The following PTPRZ1 variants were observed in gnomAD, a reference collection of about 807,000 sequenced individuals.
The protein encoded by PTPRZ1 is receptor-type tyrosine-protein phosphatase zeta.
Under a neutral mutation model 214.1 loss-of-function variants are expected in PTPRZ1, and 82 were observed. The observed-to-expected ratio is 0.38, with a 90% CI of 0.32 to 0.46. PTPRZ1 has a LOEUF of 0.46. PTPRZ1 is among the 20% of genes least tolerant of loss of function. PTPRZ1 has a pLI of 1.00. For synonymous variants in PTPRZ1, 945 were observed against 987.9 expected, an observed-to-expected ratio of 0.96 and a Z score of 0.81; for missense variants, 2,603 against 2,748.7, an observed-to-expected ratio of 0.95 and a Z score of 1.19.
chr7:122,051,428 C>A lies in PTPRZ1; in HGVS notation c.6085C>A (p.Leu2029Ile). The A allele has an allele frequency of 6.2e-7, 1 of 1,611,830 alleles. No homozygotes were observed. Among genetic ancestry groups the A allele is most frequent in the Non-Finnish European group, 8.5e-7 (1 of 1,178,914 alleles). Residue 2029 changes from leucine (L) to isoleucine (I), a missense_variant and splice_region_variant, in exon 24 of 30, where the codon CTC (leucine) becomes ATC (isoleucine). Physicochemically the swap from Leu to Ile is conservative, Grantham distance 5. Transcript: ENST00000393386. ...GKTKLEKQFQ[L>I]LSQSNIQQSD... ...TATATTTTTTTACTTTCTTGCCCAGCTCCTGAGCCAGTCAAATATACAGCA... is the reference window on the plus strand; with the variant it reads ...TATATTTTTTTACTTTCTTGCCCAGATCCTGAGCCAGTCAAATATACAGCA...
intron 1 of PTPRZ1, among the ~76,000 whole-genome samples, chr7:121,899,061 T>G (rs192553756): frequency 6.6e-6 from 1 of 152,350 alleles, no homozygotes; most frequent in African/African-American, 2.4e-5. Context: ...ATCACTGCTT[T>G]CTTTTCCATC....
intron 12 of PTPRZ1, among the ~76,000 whole-genome samples, chr7:122,018,531 A>C (rs927970492): frequency 1.3e-5 from 2 of 150,800 alleles, no homozygotes; most frequent in African/African-American, 2.4e-5. Context: ...TTTTTTGTAG[A>C]ATAAAACAAT....
At chr7:121,885,441 A>G (rs740966) in intron 1 of PTPRZ1, among the ~76,000 whole-genome samples, 4,384 of 152,302 alleles carry the variant, frequency 0.029, 91 homozygotes, top group Middle Eastern at 0.044. Flanking sequence ...GTGAAATCAC[A>G]TTTAATTAGC....
intron 12 of PTPRZ1, among the ~76,000 whole-genome samples, chr7:122,014,206 G>A (rs1798777561): frequency 6.6e-6 from 1 of 151,906 alleles, no homozygotes; most frequent in Admixed American, 6.6e-5. Flanking sequence ...TACATTTTTA[G>A]TACACTGCTT....
intron 25 of PTPRZ1, 80 bp downstream of exon 25, chr7:122,052,019 A>G: frequency 8.8e-7 from 1 of 1,142,206 alleles, no homozygotes. Context: ...AGAAGCAAAG[A>G]CTACAGGCAT....
rs764299227 is a variant in PTPRZ1, at chr7:122,012,530, T to C, written c.3484T>C (p.Ser1162Pro). 5 of 1,614,026 alleles carry C rather than the reference T, an allele frequency of 3.1e-6. No homozygotes were observed. The highest frequency in any genetic ancestry group is 1.3e-5 in the African/African-American group (1 of 74,910). The part of the protein sequence containing the change: ...SSDPASSEML[S>P]PSTQLLFYET... ...TGACCCTGCTTCTAGTGAAATGTTA[T>C]CTCCTTCAACTCAGCTCTTATTTTA... Residue 1162 changes from serine (S) to proline (P), a missense_variant, in exon 12 of 30, where the codon TCT becomes CCT. This residue lies in a region of PTPRZ1 where 1,913 missense variants were observed against 1,914.3 expected (regional missense o/e 1.00). Coordinates refer to ENST00000393386, the MANE Select transcript of PTPRZ1 (RefSeq NM_002851.3).
At chr7:121,985,848 A>G (rs1797750594) in intron 8 of PTPRZ1, among the ~76,000 whole-genome samples, 1 of 152,186 alleles carries the variant, frequency 6.6e-6, no homozygotes. Flanking sequence ...GTAATTGTCT[A>G]TTTACTTTTG....
In PTPRZ1 at chr7:122,038,787, C is replaced by T. The variant is rs141124575; in HGVS notation, c.5400C>T (p.Ala1800=). 19 of 1,613,494 alleles carry T rather than the reference C, an allele frequency of 1.2e-5. No homozygotes were observed. Among genetic ancestry groups the T allele is most frequent in the African/African-American group, 2.7e-5 (2 of 74,842 alleles). ...GYNRPKAYIA[A]QGPLKSTAED... ...ACAGACCAAAAGCTTATATTGCTGCCCAAGGCCCACTGAAATCCACAGCTG... is the reference window on the plus strand; with the variant it reads ...ACAGACCAAAAGCTTATATTGCTGCTCAAGGCCCACTGAAATCCACAGCTG... Residue 1800 remains alanine (A), a synonymous_variant, in exon 19 of 30, where the codon GCC becomes GCT. Transcript: ENST00000393386.
At chr7:121,896,255 G>A (rs1794780492) in intron 1 of PTPRZ1, among the ~76,000 whole-genome samples, 1 of 152,080 alleles carries the variant, frequency 6.6e-6, no homozygotes, top group Admixed American at 6.6e-5. Flanking sequence ...TTAATTATAT[G>A]CACGTTGTAC....
intron 1 of PTPRZ1, chr7:121,908,809 T>C (rs767256550): frequency 2.0e-5 from 10 of 489,284 alleles, no homozygotes; most frequent in South Asian, 1.4e-4. Context: ...AAATGTGAGA[T>C]ACTCTTGGAT....
chr7:121,976,294 T>C (rs752283826), intron 5 of PTPRZ1, 26 bp downstream of exon 5: 1 of 1,313,536 alleles, frequency 7.6e-7, no homozygotes. Context: ...TTTACACTAA[T>C]GTAATTCCTT....
chr7:121,914,447 C>T (rs993707469), intron 1 of PTPRZ1, among the ~76,000 whole-genome samples: 5 of 152,198 alleles, frequency 3.3e-5, no homozygotes, highest in Non-Finnish European at 7.4e-5. Flanking sequence ...TGTCCTCAAA[C>T]GTAAACTTCT....
chr7:121,873,324 T>C lies in PTPRZ1; in HGVS notation c.-176T>C. ...CTCTGTCTCTGTCTCTGTCTCTCTCTCTCTCACACACACACACACACACAC... is the reference window on the plus strand; with the variant it reads ...CTCTGTCTCTGTCTCTGTCTCTCTCCCTCTCACACACACACACACACACAC... On this transcript the variant is annotated 5_prime_UTR_variant, in exon 1 of 30. Transcript: ENST00000393386. The C allele has an allele frequency of 1.8e-6, 1 of 553,850 alleles. No homozygotes were observed. The allele number at this position is 553,850 out of a possible 1,614,324, so 34.3% of individuals were successfully genotyped here. A position where few individuals can be genotyped will look rare whatever the true frequency, so the allele number is the denominator to read the frequency against.
At position 121,873,334 on chromosome 7, in the gene PTPRZ1, A is replaced by G. The variant is rs1253192087; in HGVS notation, c.-166A>G. 4.8e-6 allele frequency: 3 copies of G among 623,962 alleles called. No homozygotes were observed. Among genetic ancestry groups the G allele is most frequent in the Non-Finnish European group, 8.5e-6 (3 of 351,934 alleles). 38.7% of individuals were successfully genotyped at this position (623,962 alleles called of 1,614,324 possible). On this transcript the variant is annotated 5_prime_UTR_variant, in exon 1 of 30. Coordinates refer to ENST00000393386, the MANE Select transcript of PTPRZ1 (RefSeq NM_002851.3). ...GTCTCTGTCTCTCTCTCTCTCACAC[A>G]CACACACACACACACAAACACACAT...
At chr7:121,879,113 T>C (rs1794153325) in intron 1 of PTPRZ1, among the ~76,000 whole-genome samples, 1 of 152,240 alleles carries the variant, frequency 6.6e-6, no homozygotes, top group Non-Finnish European at 1.5e-5. Context: ...ATGTGATTAA[T>C]GCCTGTACAA....
intron 21 of PTPRZ1, 49 bp downstream of exon 21, chr7:122,041,028 C>A: frequency 7.3e-7 from 1 of 1,369,272 alleles, no homozygotes; most frequent in Non-Finnish European, 9.6e-7. Flanking sequence ...CTTATACTTG[C>A]AAAAAGGAAA....
intron 2 of PTPRZ1, among the ~76,000 whole-genome samples, chr7:121,935,856 C>T (rs1422407113): frequency 6.6e-6 from 1 of 152,186 alleles, no homozygotes; most frequent in Non-Finnish European, 1.5e-5. Flanking sequence ...GTATGAGCCA[C>T]CTCGCAGAGC....
chr7:121,940,346 C>T (rs67299727), intron 2 of PTPRZ1, among the ~76,000 whole-genome samples: 30,856 of 152,058 alleles, frequency 0.2, 3,347 homozygotes, highest in African/African-American at 0.24. Context: ...GGTACAGCTT[C>T]AAGTTGATAG....
intron 1 of PTPRZ1, among the ~76,000 whole-genome samples, chr7:121,889,333 A>G (rs1177599665): frequency 6.6e-6 from 1 of 152,156 alleles, no homozygotes; most frequent in South Asian, 2.1e-4. Context: ...GTAAAATACT[A>G]GAGAATGTAG....
Sources: allele counts gnomAD v4.1 joint callset (sites outside exome capture counted in the v4.1 genomes callset), GRCh38; gene constraint gnomAD v4.1.1; regional missense constraint gnomAD v4.1.1; transcripts MANE v1.5; gene names NCBI Gene and HGNC (gene_info 2026-07-23, HGNC 2026-07-21).